Variants in AFF1 observed in about 807,000 individuals in gnomAD.
AFF1 encodes ALF transcription elongation factor 1, also known as AF4/FMR2 family member 1.
Under a neutral mutation model 121.7 loss-of-function variants are expected in AFF1, and 48 were observed. The observed-to-expected ratio is 0.39, with a 90% CI of 0.31 to 0.50. The LOEUF (loss-of-function observed/expected upper bound fraction) is 0.50, where lower values mean the gene tolerates loss of function less well. Among genes scored for constraint, AFF1 ranks in the 20% least tolerant of loss-of-function variants. The pLI, the probability that AFF1 is intolerant of heterozygous loss-of-function variation, is 0.76. For missense variants in AFF1, 1,523 were observed against 1,511.7 expected, an observed-to-expected ratio of 1.01 and a Z score of -0.12; for synonymous variants, 613 against 563.0, an observed-to-expected ratio of 1.09 and a Z score of -1.26.
In AFF1 at chr4:87,022,592, A is replaced by ATATATATATATATATATC. The variant is rs1465084690; in HGVS notation, c.39-23573_39-23572insATATATATATATATATCT. On this transcript the variant is annotated intron_variant, in intron 2 of 20. Transcript: ENST00000395146. ...TATATATATATATATATCTATCTAT[A>ATATATATATATATATATC]TCTATCTGTGTGTATATATATCTGT... 1.7e-3 allele frequency among the ~76,000 whole-genome samples: 167 copies of ATATATATATATATATATC among 99,800 alleles called. 4 individuals are homozygous for ATATATATATATATATATC. Among genetic ancestry groups the ATATATATATATATATATC allele is most frequent in the African/African-American group, 7.2e-3 (155 of 21,494 alleles). 65.5% of individuals were successfully genotyped at this position (99,800 alleles called of 152,430 possible).
intron 2 of AFF1, among the ~76,000 whole-genome samples, chr4:86,984,981 G>C (rs1016598938): frequency 3.3e-5 from 5 of 151,106 alleles, no homozygotes; most frequent in African/African-American, 1.2e-4. Flanking sequence ...TTTAGTAATG[G>C]TATTGGTATT....
At chr4:87,007,049 C>A in intron 2 of AFF1, 1 of 1,188,414 alleles carries the variant, frequency 8.4e-7, no homozygotes, top group Non-Finnish European at 1.0e-6. Context: ...AGGCGTTGGG[C>A]GCCGGCGGTC....
In AFF1 at chr4:87,127,106, G is replaced by A; in HGVS notation, c.2892G>A (p.Val964=). 6.2e-7 allele frequency: 1 copy of A among 1,608,666 alleles called. No homozygotes were observed. The highest frequency in any genetic ancestry group is 8.5e-7 in the Non-Finnish European group (1 of 1,176,932). The change falls in exon 15 of 21, where the codon GTG becomes GTA. Residue 964 remains valine, a synonymous_variant. Transcript: ENST00000395146. ...ACTCTAAACCAGGGAAGCCTCAAGTGAAGTTTGACAAGTAAGACTTCAGAT... is the reference window on the plus strand; with the variant it reads ...ACTCTAAACCAGGGAAGCCTCAAGTAAAGTTTGACAAGTAAGACTTCAGAT... ...NGNSKPGKPQ[V]KFDKQQADLH...
intron 2 of AFF1, among the ~76,000 whole-genome samples, chr4:87,027,618 G>T (rs1481208296): frequency 6.6e-6 from 1 of 152,100 alleles, no homozygotes; most frequent in Non-Finnish European, 1.5e-5. Flanking sequence ...GTTTATTCTT[G>T]TGGTTATTTT....
intron 2 of AFF1, among the ~76,000 whole-genome samples, chr4:87,042,010 GA>G (rs571154413): frequency 0.023 from 2,882 of 124,744 alleles, 29 homozygotes; most frequent in African/African-American, 0.032. Flanking sequence ...ACTCCATCTG[GA>G]AAAAAAAAAA....
At chr4:87,027,644 CA>C (rs1040639025) in intron 2 of AFF1, among the ~76,000 whole-genome samples, 1 of 152,104 alleles carries the variant, frequency 6.6e-6, no homozygotes, top group African/African-American at 2.4e-5. Flanking sequence ...ACATTATGAA[CA>C]TTTTCAAACA....
chr4:86,956,664 T>G (rs2149461830), intron 2 of AFF1, among the ~76,000 whole-genome samples: 2 of 152,312 alleles, frequency 1.3e-5, no homozygotes. Flanking sequence ...TTTATATAAG[T>G]GCAATCATAC....
intron 12 of AFF1, among the ~76,000 whole-genome samples, chr4:87,115,874 C>T (rs1306461068): frequency 6.6e-6 from 1 of 151,988 alleles, no homozygotes; most frequent in Non-Finnish European, 1.5e-5. Context: ...GCCTCTGCCT[C>T]CCAAAGTGAT....
intron 2 of AFF1, among the ~76,000 whole-genome samples, chr4:86,951,763 A>C (rs1397964033): frequency 6.6e-6 from 1 of 151,602 alleles, no homozygotes; most frequent in Non-Finnish European, 1.5e-5. Context: ...CTGGGACTAC[A>C]GGCACACCAT....
chr4:87,019,598 C>G (rs374596378), intron 2 of AFF1, among the ~76,000 whole-genome samples: 93 of 152,334 alleles, frequency 6.1e-4, no homozygotes, highest in African/African-American at 2.1e-3. Context: ...AGGACTGGGT[C>G]TCCAGAGAGC....
intron 2 of AFF1, among the ~76,000 whole-genome samples, chr4:87,040,443 G>C (rs189648207): frequency 6.6e-6 from 1 of 152,248 alleles, no homozygotes; most frequent in Non-Finnish European, 1.5e-5. Context: ...TGTCTTCACT[G>C]CTTTATTTAA....
chr4:87,036,026 A>G (rs1199730622), intron 2 of AFF1, among the ~76,000 whole-genome samples: 1 of 152,108 alleles, frequency 6.6e-6, no homozygotes, highest in Non-Finnish European at 1.5e-5. Flanking sequence ...GGTTGATCCT[A>G]GTACAGACCA....
intron 2 of AFF1, among the ~76,000 whole-genome samples, chr4:87,027,241 G>C (rs908217768): frequency 1.3e-5 from 2 of 152,334 alleles, no homozygotes; most frequent in African/African-American, 4.8e-5. Context: ...TAGATTGCTT[G>C]TAGTTTCCCA....
intron 8 of AFF1, among the ~76,000 whole-genome samples, chr4:87,101,194 T>A (rs1456627272): frequency 6.6e-6 from 1 of 152,200 alleles, no homozygotes; most frequent in Non-Finnish European, 1.5e-5. Flanking sequence ...TGCTTCGTAA[T>A]TTGTAACCTC....
chr4:87,056,013 G>A (rs1263442715), intron 4 of AFF1, among the ~76,000 whole-genome samples: 2 of 151,968 alleles, frequency 1.3e-5, no homozygotes, highest in African/African-American at 4.8e-5. Flanking sequence ...GAGGTCTAGG[G>A]TCCACACAAA....
At chr4:87,081,022 G>C (rs986437563) in intron 4 of AFF1, among the ~76,000 whole-genome samples, 1 of 152,080 alleles carries the variant, frequency 6.6e-6, no homozygotes, top group African/African-American at 2.4e-5. Context: ...CTCTTAAACA[G>C]TTCAAAATGT....
chr4:86,963,748 A>G (rs1722316703), intron 2 of AFF1, among the ~76,000 whole-genome samples: 2 of 151,666 alleles, frequency 1.3e-5, no homozygotes, highest in Admixed American at 6.6e-5. Context: ...GTCTATTGAT[A>G]TCTTAGTCAT....
chr4:87,125,793 C>T (rs1043979920), intron 13 of AFF1, among the ~76,000 whole-genome samples: 2 of 152,150 alleles, frequency 1.3e-5, no homozygotes, highest in Non-Finnish European at 2.9e-5. Flanking sequence ...TGTGTCCACT[C>T]GTCTTCTTGT....
At chr4:86,987,703 C>T (rs1224477582) in intron 2 of AFF1, among the ~76,000 whole-genome samples, 1 of 152,250 alleles carries the variant, frequency 6.6e-6, no homozygotes, top group East Asian at 1.9e-4. Context: ...CCTGTAATCC[C>T]AGCACTTGGG....
Sources: allele counts gnomAD v4.1 joint callset (sites outside exome capture counted in the v4.1 genomes callset), GRCh38; gene constraint gnomAD v4.1.1; transcripts MANE v1.5; gene names NCBI Gene and HGNC (gene_info 2026-07-23, HGNC 2026-07-21).